Variants in BABAM2 observed in about 807,000 individuals in gnomAD.
BABAM2 encodes BRISC and BRCA1-A complex member 2.
A neutral mutation model predicts 54.7 loss-of-function variants in BABAM2; 31 were observed. The observed-to-expected ratio is 0.57, with a 90% CI of 0.43 to 0.77. The LOEUF is 0.77. Among genes scored for constraint, BABAM2 ranks in the 30% least tolerant of loss-of-function variants. The probability of loss-of-function intolerance (pLI) is 0.00; values close to 1 mark genes in which losing one functional copy is unlikely to be tolerated. For missense variants in BABAM2, 364 were observed against 455.8 expected (o/e 0.80, Z 1.83); for synonymous variants, 167 against 162.9 (o/e 1.03, Z -0.19).
chr2:28,125,262 A>G (rs1397398040), intron 6 of BABAM2, among the ~76,000 whole-genome samples: 1 of 151,796 alleles, frequency 6.6e-6, no homozygotes, highest in Non-Finnish European at 1.5e-5. Context: ...TGTTGCAAAT[A>G]TTTTTTTATT....
chr2:27,974,640 G>C (rs184563381), intron 3 of BABAM2, among the ~76,000 whole-genome samples: 13 of 152,216 alleles, frequency 8.5e-5, no homozygotes, highest in African/African-American at 3.1e-4. Flanking sequence ...AGAACCTACA[G>C]CTTAATATCA....
chr2:27,972,370 C>T (rs780444334), intron 3 of BABAM2, among the ~76,000 whole-genome samples: 8 of 152,128 alleles, frequency 5.3e-5, no homozygotes, highest in East Asian at 1.9e-4. Context: ...CTTTTTTCAA[C>T]GGGTAATAAC....
intron 11 of BABAM2, among the ~76,000 whole-genome samples, chr2:28,305,355 G>A (rs967363778): frequency 8.6e-5 from 13 of 151,680 alleles, no homozygotes; most frequent in Admixed American, 7.2e-4. Context: ...TTTAGTTTTT[G>A]CATGTTGAAC....
intron 10 of BABAM2, among the ~76,000 whole-genome samples, chr2:28,292,346 A>G (rs1687350954): frequency 6.6e-6 from 1 of 152,194 alleles, no homozygotes. Flanking sequence ...TTTCCTGTTT[A>G]TATGCCTTGA....
chr2:28,086,805 C>T (rs1665690576), intron 6 of BABAM2, among the ~76,000 whole-genome samples: 1 of 152,168 alleles, frequency 6.6e-6, no homozygotes, highest in Admixed American at 6.5e-5. Flanking sequence ...TCTTCTGTTT[C>T]TAATTTAGTT....
chr2:28,054,173 C>T (rs1243652811), intron 6 of BABAM2, among the ~76,000 whole-genome samples: 1 of 151,934 alleles, frequency 6.6e-6, no homozygotes, highest in African/African-American at 2.4e-5. Flanking sequence ...CACAAAGACA[C>T]CTGGTGCATC....
At chr2:28,137,718 C>G (rs906183942) in intron 7 of BABAM2, among the ~76,000 whole-genome samples, 3 of 152,118 alleles carry the variant, frequency 2.0e-5, no homozygotes, top group African/African-American at 4.8e-5. Context: ...ATCTAGCTTC[C>G]TTTTTAGGCA....
intron 10 of BABAM2, among the ~76,000 whole-genome samples, chr2:28,291,746 A>G (rs1239282190): frequency 6.6e-6 from 1 of 152,262 alleles, no homozygotes; most frequent in Non-Finnish European, 1.5e-5. Context: ...AAATGGAGAT[A>G]CCTTAAATAG....
chr2:27,980,013 A>G (rs1222396963), intron 3 of BABAM2, among the ~76,000 whole-genome samples: 1 of 152,132 alleles, frequency 6.6e-6, no homozygotes, highest in Non-Finnish European at 1.5e-5. Context: ...GATTTCATGT[A>G]TGTGTCATAT....
intron 5 of BABAM2, among the ~76,000 whole-genome samples, chr2:28,028,955 C>T (rs1389246383): frequency 2.0e-5 from 3 of 151,950 alleles, no homozygotes; most frequent in African/African-American, 4.8e-5. Flanking sequence ...TTAGTAGAGA[C>T]GGGATTTCAC....
chr2:28,208,813 G>A (rs1249418129), intron 7 of BABAM2, among the ~76,000 whole-genome samples: 6 of 152,220 alleles, frequency 3.9e-5, no homozygotes. Context: ...GGGCTCTGGA[G>A]TTGCCAGGTG....
chr2:27,967,945 A>G (rs2148444512), intron 3 of BABAM2, among the ~76,000 whole-genome samples: 1 of 152,352 alleles, frequency 6.6e-6, no homozygotes, highest in East Asian at 1.9e-4. Context: ...TGTTGAAAGC[A>G]TTCAGTTTTA....
chr2:27,969,520 C>T (rs1671056364), intron 3 of BABAM2, among the ~76,000 whole-genome samples: 1 of 152,164 alleles, frequency 6.6e-6, no homozygotes, highest in African/African-American at 2.4e-5. Context: ...CACCCTCATC[C>T]TTCATTCTTA....
chr2:27,940,749 G>T (rs1251454402), intron 3 of BABAM2, among the ~76,000 whole-genome samples: 1 of 152,148 alleles, frequency 6.6e-6, no homozygotes, highest in Non-Finnish European at 1.5e-5. Flanking sequence ...ATTTGTCTTT[G>T]TAAGGAATCA....
At chr2:28,057,430 G>C (rs764744129) in intron 6 of BABAM2, among the ~76,000 whole-genome samples, 1 of 152,142 alleles carries the variant, frequency 6.6e-6, no homozygotes, top group Non-Finnish European at 1.5e-5. Flanking sequence ...AGGGAAGTGG[G>C]GATTGGAACC....
chr2:28,236,167 A>G (rs913066374), intron 7 of BABAM2, among the ~76,000 whole-genome samples: 1 of 152,138 alleles, frequency 6.6e-6, no homozygotes, highest in Admixed American at 6.6e-5. Context: ...GGGGGCTTAT[A>G]GAAGTATATG....
chr2:27,905,306 G>A (rs2148289208), intron 2 of BABAM2, among the ~76,000 whole-genome samples: 1 of 152,278 alleles, frequency 6.6e-6, no homozygotes, highest in South Asian at 2.1e-4. Context: ...TAGAGGGGTT[G>A]TGTGGCAGGA....
At chr2:28,257,123 C>T (rs1451855106) in intron 10 of BABAM2, among the ~76,000 whole-genome samples, 1 of 152,120 alleles carries the variant, frequency 6.6e-6, no homozygotes, top group Non-Finnish European at 1.5e-5. Flanking sequence ...AATGACTTTT[C>T]CATTTGCATA....
chr2:28,104,702 G>A (rs1001735079), intron 6 of BABAM2, among the ~76,000 whole-genome samples: 41 of 152,208 alleles, frequency 2.7e-4, no homozygotes, highest in African/African-American at 6.7e-4. Context: ...TATACCCAAA[G>A]GATTATAAAT....
Sources: allele counts gnomAD v4.1 joint callset (sites outside exome capture counted in the v4.1 genomes callset), GRCh38; gene constraint gnomAD v4.1.1; transcripts MANE v1.5; gene names NCBI Gene and HGNC (gene_info 2026-07-23, HGNC 2026-07-21).